The following FOCAD variants were observed in gnomAD, a reference collection of about 807,000 sequenced individuals.
The protein encoded by FOCAD is KIAA1797.
A neutral mutation model predicts 225.6 loss-of-function variants in FOCAD; 198 were observed. The observed-to-expected ratio is 0.88, with a 90% CI of 0.78 to 0.99. The LOEUF (loss-of-function observed/expected upper bound fraction) is 0.99, where lower values mean the gene tolerates loss of function less well. Among genes scored for constraint, FOCAD ranks in the 50% least tolerant of loss-of-function variants. The probability of loss-of-function intolerance (pLI) is 0.00; values close to 1 mark genes in which losing one functional copy is unlikely to be tolerated. For missense variants in FOCAD, 2,713 were observed against 2,123.6 expected, an observed-to-expected ratio of 1.28 and a Z score of -5.46; for synonymous variants, 897 against 755.0, an observed-to-expected ratio of 1.19 and a Z score of -3.08.
At chr9:20,960,814 A>T (rs376486637) in intron 35 of FOCAD, among the ~76,000 whole-genome samples, 1 of 147,506 alleles carries the variant, frequency 6.8e-6, no homozygotes, top group Admixed American at 7.0e-5. Context: ...TCATTATTCA[A>T]TTCCCACCTA....
At chr9:20,696,094 G>A (rs1823348043) in intron 1 of FOCAD, among the ~76,000 whole-genome samples, 1 of 152,174 alleles carries the variant, frequency 6.6e-6, no homozygotes, top group Non-Finnish European at 1.5e-5. Flanking sequence ...GTGTATGACT[G>A]CTTTGTTCTT....
intron 3 of FOCAD, among the ~76,000 whole-genome samples, chr9:20,719,968 A>T (rs191591004): frequency 6.6e-6 from 1 of 152,056 alleles, no homozygotes; most frequent in Non-Finnish European, 1.5e-5. Flanking sequence ...TCTTCTGAAA[A>T]TAACTGTTAT....
At position 20,981,674 on chromosome 9, in the gene FOCAD, A is replaced by G. The variant is rs756788668; in HGVS notation, c.4626A>G (p.Pro1542=). The G allele has an allele frequency of 2.7e-5, 44 of 1,608,048 alleles. No homozygotes were observed. The South Asian group carries it at 4.8e-4, about 17-fold the overall frequency. Residue 1542 remains proline (P), a synonymous_variant, in exon 38 of 44, where the codon CCA becomes CCG. Transcript: ENST00000338382. ...CTGGGAAAATTTTTGACCTCCTGCCAAATAAGATTCGGGTGAGGAACAAAA... is the reference window on the plus strand; with the variant it reads ...CTGGGAAAATTTTTGACCTCCTGCCGAATAAGATTCGGGTGAGGAACAAAA... ...EATGKIFDLL[P]NKIRRKDLEL...
chr9:20,962,142 G>T (rs569082384), intron 35 of FOCAD, among the ~76,000 whole-genome samples: 3 of 152,006 alleles, frequency 2.0e-5, no homozygotes, highest in African/African-American at 7.2e-5. Flanking sequence ...GGAAGATAGG[G>T]GCTTCCGTGA....
At chr9:20,866,093 A>G (rs886786710) in intron 17 of FOCAD, 117 bp downstream of exon 17, 6 of 836,804 alleles carry the variant, frequency 7.2e-6, no homozygotes, top group African/African-American at 1.8e-5. Flanking sequence ...TGGGTTCCCA[A>G]TTTTTAAAAA....
At chr9:20,984,975 A>G (rs749646685) in intron 39 of FOCAD, among the ~76,000 whole-genome samples, 2 of 152,000 alleles carry the variant, frequency 1.3e-5, no homozygotes, top group Non-Finnish European at 2.9e-5. Context: ...TAATTTTTAT[A>G]TTTTTAGTAG....
chr9:20,868,353 T>C (rs1012748862), intron 18 of FOCAD, among the ~76,000 whole-genome samples: 1 of 152,128 alleles, frequency 6.6e-6, no homozygotes, highest in Non-Finnish European at 1.5e-5. Context: ...CCAGCTTGAG[T>C]AATAGCTTTT....
intron 37 of FOCAD, among the ~76,000 whole-genome samples, chr9:20,979,472 G>A (rs972190943): frequency 6.6e-6 from 1 of 152,122 alleles, no homozygotes; most frequent in South Asian, 2.1e-4. Flanking sequence ...TCAAGTAGCT[G>A]GGACTATAGG....
At chr9:20,683,200 A>G (rs1249839616), upstream of FOCAD, 1 of 152,216 alleles carries the variant, frequency 6.6e-6, no homozygotes. Context: ...GAGAAACAGA[A>G]CTTCTTGTCT....
At chr9:20,845,380 C>T (rs1826975867) in intron 15 of FOCAD, among the ~76,000 whole-genome samples, 2 of 148,698 alleles carry the variant, frequency 1.3e-5, no homozygotes, top group Non-Finnish European at 3.0e-5. Context: ...TGAGATTGTA[C>T]TGAACATATT....
intron 1 of FOCAD, among the ~76,000 whole-genome samples, chr9:20,699,937 G>C (rs532620273): frequency 6.7e-6 from 1 of 150,370 alleles, no homozygotes; most frequent in Non-Finnish European, 1.5e-5. Context: ...TCTGTCAATT[G>C]GATGTCAGCA....
At chr9:20,973,952 T>C (rs1162344157) in intron 35 of FOCAD, among the ~76,000 whole-genome samples, 1 of 105,426 alleles carries the variant, frequency 9.5e-6, no homozygotes, top group African/African-American at 3.5e-5. Flanking sequence ...TTCCTATGTT[T>C]CTCCTTTCTG....
At chr9:20,829,654 AGATACT>A (rs1825288189) in intron 15 of FOCAD, among the ~76,000 whole-genome samples, 1 of 152,112 alleles carries the variant, frequency 6.6e-6, no homozygotes, top group Non-Finnish European at 1.5e-5. Flanking sequence ...TCTAAGTAAG[AGATACT>A]GGAAAGCACG....
chr9:20,962,417 C>CACATACATACATACAT (rs60723308), intron 35 of FOCAD, among the ~76,000 whole-genome samples: 4,642 of 149,164 alleles, frequency 0.031, 108 homozygotes, highest in Non-Finnish European at 0.045. Flanking sequence ...TATACACACA[C>CACATACATACATACAT]ACATACATAC....
intron 36 of FOCAD, among the ~76,000 whole-genome samples, chr9:20,977,262 C>A (rs1410478471): frequency 6.6e-6 from 1 of 152,222 alleles, no homozygotes; most frequent in Non-Finnish European, 1.5e-5. Flanking sequence ...CCAGGATAAT[C>A]TCTCCATCTC....
intron 35 of FOCAD, among the ~76,000 whole-genome samples, chr9:20,971,045 G>A (rs1004358537): frequency 2.0e-5 from 3 of 152,082 alleles, no homozygotes; most frequent in Non-Finnish European, 4.4e-5. Flanking sequence ...GCTATGTTCA[G>A]TGACTTCTCA....
At chr9:20,793,381 G>T (rs1362060606) in intron 11 of FOCAD, among the ~76,000 whole-genome samples, 3 of 152,284 alleles carry the variant, frequency 2.0e-5, no homozygotes, top group South Asian at 2.1e-4. Context: ...TCCCTTTTGT[G>T]TTTTCCCGGT....
chr9:20,777,863 G>A (rs1056104237), intron 8 of FOCAD, among the ~76,000 whole-genome samples: 1 of 152,048 alleles, frequency 6.6e-6, no homozygotes, highest in Non-Finnish European at 1.5e-5. Context: ...AGCACTTTGG[G>A]AGGCCGAGGC....
At chr9:20,893,986 A>G (rs1831855959) in intron 21 of FOCAD, among the ~76,000 whole-genome samples, 1 of 152,136 alleles carries the variant, frequency 6.6e-6, no homozygotes, top group Non-Finnish European at 1.5e-5. Context: ...TTTTAGTATC[A>G]TACACAGTAG....
Sources: gnomAD v4.1 joint callset for allele counts (sites outside exome capture counted in the v4.1 genomes callset) on GRCh38, gnomAD v4.1.1 for gene constraint, MANE v1.5 for transcripts, NCBI Gene and HGNC (gene_info 2026-07-23, HGNC 2026-07-21) for gene names.